Variants in QSOX1 observed in about 807,000 individuals in gnomAD.
QSOX1 encodes the protein sulfhydryl oxidase 1.
In QSOX1, 40 loss-of-function variants were observed where a neutral mutation model predicts 76.1. The observed-to-expected ratio is 0.53, with a 90% CI of 0.41 to 0.68. The LOEUF (loss-of-function observed/expected upper bound fraction) is 0.68, where lower values mean the gene tolerates loss of function less well. QSOX1 is among the 30% of genes least tolerant of loss of function. QSOX1 has a pLI of 0.00. For missense variants in QSOX1, 931 were observed against 974.3 expected, an observed-to-expected ratio of 0.96 and a Z score of 0.59; for synonymous variants, 392 against 413.1, an observed-to-expected ratio of 0.95 and a Z score of 0.62.
chr1:180,169,614 A>T (rs549713720), intron 2 of QSOX1, among the ~76,000 whole-genome samples: 1 of 152,354 alleles, frequency 6.6e-6, no homozygotes, highest in African/African-American at 2.4e-5. Context: ...GGACTTCAGT[A>T]AAAGTTAGTT....
intron 7 of QSOX1, 71 bp downstream of exon 7, chr1:180,184,121 A>C: frequency 6.5e-7 from 1 of 1,531,278 alleles, no homozygotes; most frequent in Non-Finnish European, 9.0e-7. Flanking sequence ...CTTCACACCC[A>C]CGCCCTCTTG....
chr1:180,183,348 TC>T (rs1352886050), intron 6 of QSOX1, among the ~76,000 whole-genome samples: 2 of 141,512 alleles, frequency 1.4e-5, no homozygotes, highest in Non-Finnish European at 1.5e-5. Context: ...CCTGGAGGAC[TC>T]CTCCCTGTCG....
intron 6 of QSOX1, among the ~76,000 whole-genome samples, chr1:180,183,334 G>C (rs547131269): frequency 6.6e-6 from 1 of 151,370 alleles, no homozygotes; most frequent in African/African-American, 2.4e-5. Context: ...GAGGTATCCC[G>C]TGCCCTGGAG....
In QSOX1 at chr1:180,155,047, C is replaced by G; in HGVS notation, c.140C>G (p.Ala47Gly). The change falls in exon 1 of 12, where the codon GCG (alanine) becomes GGG (glycine). Residue 47 changes from alanine (A) to glycine (G), a missense_variant. By Grantham distance (60) the Ala-to-Gly change is moderately conservative (BLOSUM62 0). Coordinates refer to ENST00000367602, the MANE Select transcript of QSOX1 (RefSeq NM_002826.5). ...SPSDPLTLLQ[A>G]DTVRGAVLGS... ...TCCGACCCGCTGACGCTGCTGCAGG[C>G]GGACACGGTGCGCGGCGCGGTGCTG... The G allele has an allele frequency of 6.6e-7, 1 of 1,513,200 alleles. No homozygotes were observed. The highest frequency in any genetic ancestry group is 8.8e-7 in the Non-Finnish European group (1 of 1,137,900). 93.7% of individuals were successfully genotyped at this position (1,513,200 alleles called of 1,614,324 possible).
chr1:180,196,543 G>A lies in QSOX1; in HGVS notation c.1750G>A (p.Glu584Lys). 6.2e-7 allele frequency: 1 copy of A among 1,614,192 alleles called. No individual in the cohort carries two copies. Among genetic ancestry groups the A allele is most frequent in the Admixed American group, 1.7e-5 (1 of 60,022 alleles). The part of the protein sequence containing the change: ...RNSTLDPGKP[E>K]MMKSPTNTTP... ...TTCAACTCTGGACCCTGGGAAGCCTGAGATGATGAAGTCCCCCACAAACAC... is the reference window on the plus strand; with the variant it reads ...TTCAACTCTGGACCCTGGGAAGCCTAAGATGATGAAGTCCCCCACAAACAC... Residue 584 changes from glutamate to lysine, a missense_variant, in exon 12 of 12, where the codon GAG (glutamate) becomes AAG (lysine). Transcript: ENST00000367602. This position sits in a 1 kb window ranked among gnomAD's most constrained non-coding sequence, Gnocchi z 4.1.
intron 2 of QSOX1, among the ~76,000 whole-genome samples, chr1:180,175,067 G>A (rs560920253): frequency 6.6e-6 from 1 of 151,696 alleles, no homozygotes; most frequent in Admixed American, 6.6e-5. Flanking sequence ...TGAGGCAGGA[G>A]AGTCCCTTGA....
intron 8 of QSOX1, 148 bp downstream of exon 8, chr1:180,186,330 T>C (rs1365238971): frequency 3.6e-6 from 4 of 1,114,726 alleles, no homozygotes; most frequent in East Asian, 5.1e-5. Context: ...CTGTCCACCA[T>C]AGGTGATACC....
intron 1 of QSOX1, 103 bp downstream of exon 1, chr1:180,155,275 C>T (rs1363491822): frequency 2.0e-5 from 20 of 1,017,644 alleles, no homozygotes; most frequent in South Asian, 9.2e-5. Context: ...CTCTTCCAGT[C>T]ACCTCCGCCC....
Position 180,196,391 on chromosome 1 carries a change from C to T in QSOX1, c.1598C>T (p.Ala533Val). The change falls in exon 12 of 12, where the codon GCC (alanine) becomes GTC (valine). Residue 533 changes from alanine (A) to valine (V), a missense_variant. Coordinates refer to ENST00000367602, the MANE Select transcript of QSOX1 (RefSeq NM_002826.5). The surrounding 1 kb of genome is among the most constrained non-coding windows in gnomAD (Gnocchi z 4.1). Reference protein sequence around the residue: ...DVEATLNFLKAHFSPSNIILD... With the variant: ...DVEATLNFLKVHFSPSNIILD... Reference sequence around the variant, plus strand: ...GAAGCCACCCTCAACTTCCTCAAGGCCCACTTCTCCCCAAGCAACATCATC... The same window carrying T: ...GAAGCCACCCTCAACTTCCTCAAGGTCCACTTCTCCCCAAGCAACATCATC... The T allele has an allele frequency of 6.2e-7, 1 of 1,614,210 alleles. No individual in the cohort carries two copies. The highest frequency in any genetic ancestry group is 2.2e-5 in the East Asian group (1 of 44,880).
intron 8 of QSOX1, among the ~76,000 whole-genome samples, chr1:180,187,809 G>A (rs1449574672): frequency 5.3e-5 from 8 of 152,302 alleles, no homozygotes; most frequent in South Asian, 2.1e-4. Context: ...GGTATGCCCC[G>A]CAGTAGCAGC....
chr1:180,170,743 A>G (rs538760573), intron 2 of QSOX1, among the ~76,000 whole-genome samples: 1 of 152,366 alleles, frequency 6.6e-6, no homozygotes, highest in East Asian at 1.9e-4. Flanking sequence ...ATACATTTTA[A>G]TCAGAGGACA....
chr1:180,198,260 C>A lies in QSOX1; in HGVS notation c.*1223C>A, dbSNP rs1663555728. ...CAGCCTTGCCACCCCCTGCCCCAAT[C>A]CTCCCTGAGAGCTCCTGCCTCAGTG... On this transcript the variant is annotated 3_prime_UTR_variant, in exon 12 of 12. Coordinates refer to ENST00000367602, the MANE Select transcript of QSOX1 (RefSeq NM_002826.5). 4.4e-6 allele frequency: 2 copies of A among 456,454 alleles called. No homozygotes were observed. The highest frequency in any genetic ancestry group is 2.4e-5 in the Admixed American group (1 of 42,550). The allele number at this position is 456,454 out of a possible 1,614,324, so 28.3% of individuals were successfully genotyped here.
intron 2 of QSOX1, among the ~76,000 whole-genome samples, chr1:180,173,458 C>T (rs542086669): frequency 7.9e-5 from 12 of 152,254 alleles, no homozygotes; most frequent in South Asian, 6.2e-4. Flanking sequence ...CTGTAAAGAA[C>T]GCTATTTAAA....
chr1:180,180,282 C>A (rs1370939773), intron 5 of QSOX1, among the ~76,000 whole-genome samples: 4 of 152,226 alleles, frequency 2.6e-5, no homozygotes, highest in African/African-American at 9.6e-5. Context: ...ACTGTCTTGG[C>A]TCGCTGCAAC....
At chr1:180,155,900 A>C (rs1333248674) in intron 1 of QSOX1, among the ~76,000 whole-genome samples, 1 of 152,154 alleles carries the variant, frequency 6.6e-6, no homozygotes, top group Non-Finnish European at 1.5e-5. Context: ...CTCTTGCTCC[A>C]TGTTCCCAAT....
chr1:180,196,705 G>A lies in QSOX1; in HGVS notation c.1912G>A (p.Gly638Arg). Residue 638 changes from glycine to arginine, a missense_variant, in exon 12 of 12, where the codon GGG becomes AGG. By Grantham distance (125) the Gly-to-Arg change is moderately radical. Coordinates refer to ENST00000367602, the MANE Select transcript of QSOX1 (RefSeq NM_002826.5). The surrounding 1 kb of genome is among the most constrained non-coding windows in gnomAD (Gnocchi z 4.1). Reference sequence around the variant, plus strand: ...GAGGAATGAGCAGGAGCAGCCGCTTGGGCAGTGGCACTTGAGCAAGCGAGA... The same window carrying A: ...GAGGAATGAGCAGGAGCAGCCGCTTAGGCAGTGGCACTTGAGCAAGCGAGA... ...LQRNEQEQPLGQWHLSKRDTG... is the reference protein window; with the variant it reads ...LQRNEQEQPLRQWHLSKRDTG... 1 of 1,614,112 alleles carries A rather than the reference G, an allele frequency of 6.2e-7. No homozygotes were observed. Among genetic ancestry groups the A allele is most frequent in the African/African-American group, 1.3e-5 (1 of 75,072 alleles).
In QSOX1 at chr1:180,202,474, C is replaced by G. The variant is rs1452610340; in HGVS notation, c.*5437C>G. On this transcript the variant is annotated 3_prime_UTR_variant, in exon 12 of 12. Coordinates refer to ENST00000367602, the MANE Select transcript of QSOX1 (RefSeq NM_002826.5). The stretch of plus-strand genomic sequence containing the variant: ...ATTTGGAAGGGGCTAAAATTTTTAC[C>G]TAGTTTGAATCTGCTCTGCAATGTC... 6.6e-6 allele frequency: 1 copy of G among 152,062 alleles called. No homozygotes were observed. The highest frequency in any genetic ancestry group is 1.5e-5 in the Non-Finnish European group (1 of 68,010). The allele number at this position is 152,062 out of a possible 1,614,324, so 9.4% of individuals were successfully genotyped here.
In QSOX1 at chr1:180,154,940, G is replaced by A. The variant is rs1292002108; in HGVS notation, c.33G>A (p.Pro11=). 2 of 1,480,396 alleles carry A rather than the reference G, an allele frequency of 1.4e-6. No homozygotes were observed. Among genetic ancestry groups the A allele is most frequent in the Non-Finnish European group, 8.9e-7 (1 of 1,124,414 alleles). The allele number at this position is 1,480,396 out of a possible 1,614,324, so 91.7% of individuals were successfully genotyped here. ...GGTGCAACAGCGGCTCCGGGCCGCC[G>A]CCGTCGCTGCTGCTGCTGCTGCTGT... MRRCNSGSGP[P]PSLLLLLLWL... The change falls in exon 1 of 12, where the codon CCG becomes CCA. Residue 11 remains proline, a synonymous_variant. Coordinates refer to ENST00000367602, the MANE Select transcript of QSOX1 (RefSeq NM_002826.5).
intron 1 of QSOX1, among the ~76,000 whole-genome samples, chr1:180,163,569 A>G (rs1024971995): frequency 6.6e-6 from 1 of 152,248 alleles, no homozygotes; most frequent in African/African-American, 2.4e-5. Context: ...TATGCCATAC[A>G]AAAACAAGAT....
Sources: allele counts gnomAD v4.1 joint callset (sites outside exome capture counted in the v4.1 genomes callset), GRCh38; gene constraint gnomAD v4.1.1; non-coding constraint Gnocchi (gnomAD v3.1); transcripts MANE v1.5; gene names NCBI Gene and HGNC (gene_info 2026-07-23, HGNC 2026-07-21).